Variants in CFAP77 observed in about 807,000 individuals in gnomAD.
CFAP77 encodes cilia and flagella associated protein 77.
CFAP77 carries 25 observed loss-of-function variants against 31.1 expected under a neutral mutation model. The observed-to-expected ratio is 0.80, with a 90% CI of 0.59 to 1.12. The LOEUF is 1.12. Ranked by LOEUF, CFAP77 falls within the 50% of genes most tolerant of loss-of-function variation. The probability of loss-of-function intolerance (pLI) is 0.00; values close to 1 mark genes in which losing one functional copy is unlikely to be tolerated. For missense variants in CFAP77, 377 were observed against 397.3 expected (o/e 0.95, Z 0.44); for synonymous variants, 151 against 159.9 (o/e 0.94, Z 0.42).
chr9:132,438,541 A>ATATATATATATATATATATTT, intron 1 of CFAP77, among the ~76,000 whole-genome samples: 7 of 108,154 alleles, frequency 6.5e-5, no homozygotes, highest in African/African-American at 1.2e-4. Context: ...ATATATATAT[A>ATATATATATATATATATATTT]TTTTTTTTTT....
rs1045516547 is a variant in CFAP77, at chr9:132,554,656, C to T, written c.732+11609C>T. Among the ~76,000 whole-genome samples, 6 of 152,194 alleles carry T rather than the reference C, an allele frequency of 3.9e-5. No individual in the cohort carries two copies. The highest frequency in any genetic ancestry group is 1.2e-4 in the African/African-American group (5 of 41,440). ...CCAGCCCTTAAATACCTTGTTTCAC[C>T]TTGCGTGCAATCCGCCAGATACCTT... On this transcript the variant is annotated intron_variant, in intron 5 of 5. Transcript: ENST00000393216. The surrounding 1 kb of genome is among the most constrained non-coding windows in gnomAD (Gnocchi z 4.1).
Position 132,572,562 on chromosome 9 carries a change from A to G in CFAP77, c.*52A>G. On this transcript the variant is annotated 3_prime_UTR_variant, in exon 6 of 6. Coordinates refer to ENST00000393216, the MANE Select transcript of CFAP77 (RefSeq NM_001282957.2). ...CATCTTGACATAGTGGAAAATTCCC[A>G]GAAGGACTCCCTATCTTGCCCCAAC... 4 of 1,534,658 alleles carry G rather than the reference A, an allele frequency of 2.6e-6. No homozygotes were observed. Among genetic ancestry groups the G allele is most frequent in the Non-Finnish European group, 3.5e-6 (4 of 1,142,266 alleles).
intron 1 of CFAP77, among the ~76,000 whole-genome samples, chr9:132,488,289 G>C (rs555341374): frequency 6.6e-6 from 1 of 152,280 alleles, no homozygotes; most frequent in East Asian, 1.9e-4. Context: ...TGCCACTTTG[G>C]AAGTGACCAC....
rs367948498 is a variant in CFAP77 at position 132,543,149 on chromosome 9, C to T, written c.732+102C>T. The T allele has an allele frequency of 1.4e-4, 126 of 890,402 alleles. No homozygotes were observed. The African/African-American group carries it at 1.7e-3, about 12-fold the overall frequency. 55.2% of individuals were successfully genotyped at this position (890,402 alleles called of 1,614,324 possible). A position where few individuals can be genotyped will look rare whatever the true frequency, so the allele number is the denominator to read the frequency against. On this transcript the variant is annotated intron_variant, in intron 5 of 5. Coordinates refer to ENST00000393216, the MANE Select transcript of CFAP77 (RefSeq NM_001282957.2). ...TCTCTGGGTTCTGTGGGCTTCTCAC[C>T]ATCGATTAGTACAACAGCCGCAGCA... is the stretch of plus-strand genomic sequence containing the variant.
intron 5 of CFAP77, among the ~76,000 whole-genome samples, chr9:132,555,659 G>A (rs1012707948): frequency 6.6e-6 from 1 of 152,132 alleles, no homozygotes; most frequent in African/African-American, 2.4e-5. Context: ...GGGAGCTGGT[G>A]TCTCCTCCCA....
intron 4 of CFAP77, 29 bp from the exon 5 acceptor site, chr9:132,542,917 T>C (rs1319653284): frequency 1.9e-6 from 3 of 1,574,024 alleles, no homozygotes; most frequent in East Asian, 2.2e-5. Flanking sequence ...CGGGCAACCA[T>C]CTCACCTTTG....
intron 1 of CFAP77, among the ~76,000 whole-genome samples, chr9:132,429,105 T>C (rs1564200874): frequency 6.6e-6 from 1 of 150,418 alleles, no homozygotes; most frequent in Admixed American, 6.6e-5. Flanking sequence ...TTATTTGCCA[T>C]TTCCTAAATA....
intron 1 of CFAP77, among the ~76,000 whole-genome samples, chr9:132,456,413 G>T (rs571137666): frequency 6.6e-6 from 1 of 152,070 alleles, no homozygotes; most frequent in African/African-American, 2.4e-5. Flanking sequence ...TATTCCCTAC[G>T]GCGCCTCCTT....
At chr9:132,533,153 C>T (rs1272886788) in intron 3 of CFAP77, among the ~76,000 whole-genome samples, 1 of 152,188 alleles carries the variant, frequency 6.6e-6, no homozygotes, top group African/African-American at 2.4e-5. Context: ...ATCGGAGGTG[C>T]CCTGAACGAG....
intron 5 of CFAP77, among the ~76,000 whole-genome samples, chr9:132,571,372 A>G (rs1829957673): frequency 1.3e-5 from 2 of 151,990 alleles, no homozygotes; most frequent in South Asian, 4.2e-4. Flanking sequence ...GACCCCCTGT[A>G]TGCATCTCTT....
intron 1 of CFAP77, among the ~76,000 whole-genome samples, chr9:132,464,863 G>A (rs1043359172): frequency 3.9e-5 from 6 of 152,024 alleles, no homozygotes; most frequent in Admixed American, 2.0e-4. Context: ...AGGCTGAGGC[G>A]GGTGGATCAC....
At chr9:132,466,780 C>T (rs79679065) in intron 1 of CFAP77, among the ~76,000 whole-genome samples, 2,840 of 152,334 alleles carry the variant, frequency 0.019, 88 homozygotes, top group African/African-American at 0.065. Context: ...GAGATGACCT[C>T]TGGGCTCCTC....
chr9:132,550,280 C>T (rs149373292), intron 5 of CFAP77, among the ~76,000 whole-genome samples: 3 of 152,334 alleles, frequency 2.0e-5, no homozygotes, highest in East Asian at 3.9e-4. Context: ...TGTTGAAAAT[C>T]ACCAGAATCG....
intron 5 of CFAP77, among the ~76,000 whole-genome samples, chr9:132,561,543 T>C (rs1157578814): frequency 1.3e-5 from 2 of 150,242 alleles, no homozygotes; most frequent in Non-Finnish European, 2.9e-5. Flanking sequence ...GTGGAAAAGC[T>C]GATTGACCTG....
intron 1 of CFAP77, among the ~76,000 whole-genome samples, chr9:132,494,379 T>C (rs990340604): frequency 6.6e-6 from 1 of 152,216 alleles, no homozygotes; most frequent in Admixed American, 6.5e-5. Context: ...ACCAAAAATA[T>C]GTCCAGACAT....
chr9:132,422,200 G>T (rs558069974), intron 1 of CFAP77, among the ~76,000 whole-genome samples: 19 of 152,310 alleles, frequency 1.2e-4, no homozygotes, highest in Admixed American at 2.6e-4. Context: ...GTAGATAGGG[G>T]GTTTCACCAT....
In CFAP77 at chr9:132,503,771, G is replaced by A. The variant is rs117821190; in HGVS notation, c.524+4171G>A. Among the ~76,000 whole-genome samples the A allele has an allele frequency of 1.2e-3, 185 of 152,192 alleles. 9 individuals are homozygous for A. The East Asian group carries it at 0.031, about 26-fold the overall frequency. On this transcript the variant is annotated intron_variant, in intron 3 of 5. Transcript: ENST00000393216. The stretch of plus-strand genomic sequence containing the variant: ...TATGTTTATATTTAAAAATAGAGCC[G>A]GGTGCAGTGGCTCACGCCTGTAATC...
chr9:132,440,820 G>T (rs1462894862), intron 1 of CFAP77, among the ~76,000 whole-genome samples: 1 of 152,148 alleles, frequency 6.6e-6, no homozygotes, highest in African/African-American at 2.4e-5. Context: ...GGTAGACAAT[G>T]GATCTGAACC....
In CFAP77 at chr9:132,455,463, G is replaced by A. The variant is rs111918753; in HGVS notation, c.196-43232G>A. Among the ~76,000 whole-genome samples, 8,428 of 151,316 alleles carry A rather than the reference G, an allele frequency of 0.056. 766 individuals are homozygous for A. Among genetic ancestry groups the A allele is most frequent in the African/African-American group, 0.19 (7,729 of 41,096 alleles). ...GTGGAGGTTGCGGTGAGCTGAGATC[G>A]TGCCACTGTACTCTAGCCTGGGTGG... On this transcript the variant is annotated intron_variant, in intron 1 of 5. Coordinates refer to ENST00000393216, the MANE Select transcript of CFAP77 (RefSeq NM_001282957.2). This position sits in a 1 kb window ranked among gnomAD's most constrained non-coding sequence, Gnocchi z 4.1.
Sources: allele counts gnomAD v4.1 joint callset (sites outside exome capture counted in the v4.1 genomes callset), GRCh38; gene constraint gnomAD v4.1.1; non-coding constraint Gnocchi (gnomAD v3.1); transcripts MANE v1.5; gene names NCBI Gene and HGNC (gene_info 2026-07-23, HGNC 2026-07-21).